RRP12: variants seen among roughly 807,000 people sequenced by gnomAD.
RRP12 encodes the protein RRP12-like protein.
A neutral mutation model predicts 157.3 loss-of-function variants in RRP12; 78 were observed. The observed-to-expected ratio is 0.50, with a 90% CI of 0.41 to 0.60. The LOEUF (loss-of-function observed/expected upper bound fraction) is 0.60. Among genes scored for constraint, RRP12 ranks in the 20% least tolerant of loss-of-function variants. The pLI is 0.00. For synonymous variants in RRP12, 726 were observed against 670.9 expected, an observed-to-expected ratio of 1.08 and a Z score of -1.27; for missense variants, 1,521 against 1,679.9, an observed-to-expected ratio of 0.91 and a Z score of 1.65.
chr10:97,381,424 C>T lies in RRP12; in HGVS notation c.1380G>A (p.Ser460=), dbSNP rs752269038. Residue 460 remains serine (S), a synonymous_variant, in exon 12 of 34, where the codon TCG becomes TCA. Transcript: ENST00000370992. ...CAACAGATTGGGCAGGGCCTGAGGC[C>T]GAGGAGGTCACGGAGCCAATGTCAG... The part of the protein sequence containing the change: ...HMADIGSVTS[S]ASGPAQSVAK... The T allele has an allele frequency of 8.7e-6, 14 of 1,613,316 alleles. No individual in the cohort carries two copies. The highest frequency in any genetic ancestry group is 5.5e-5 in the South Asian group (5 of 90,986).
Position 97,366,924 on chromosome 10 carries a change from G to A in RRP12, c.3048-15C>T. ...CCAGCTCAAATCTGGAGGTGGCAAG[G>A]AAGGGCTGGTGAGAGGCACTGGCCA... On this transcript the variant is annotated splice_polypyrimidine_tract_variant and intron_variant, in intron 26 of 33. Coordinates refer to ENST00000370992, the MANE Select transcript of RRP12 (RefSeq NM_015179.4). The A allele has an allele frequency of 6.2e-7, 1 of 1,611,516 alleles. No individual in the cohort carries two copies. Among genetic ancestry groups the A allele is most frequent in the Non-Finnish European group, 8.5e-7 (1 of 1,178,190 alleles).
chr10:97,387,244 A>C (rs1554881143), intron 8 of RRP12, among the ~76,000 whole-genome samples: 1 of 152,182 alleles, frequency 6.6e-6, no homozygotes, highest in Non-Finnish European at 1.5e-5. Flanking sequence ...GACAAGGAAA[A>C]AAAACTGTAC....
At chr10:97,368,601 G>A (rs967585795) in intron 25 of RRP12, among the ~76,000 whole-genome samples, 107 of 152,220 alleles carry the variant, frequency 7.0e-4, no homozygotes, top group African/African-American at 2.5e-3. Flanking sequence ...CAAGTGATCT[G>A]CCTGCCTTGG....
Position 97,360,561 on chromosome 10 carries a change from G to A in RRP12, c.3625C>T (p.Pro1209Ser), listed in dbSNP as rs370146748. Residue 1209 changes from proline (P) to serine (S), a missense_variant, in exon 31 of 34, where the codon CCC (proline) becomes TCC (serine). By Grantham distance (74) the Pro-to-Ser change is moderately conservative. Transcript: ENST00000370992. ...GAAGCCTCACCTTGGTACTGAGGGG[G>A]TATCTCCAGCTCCTCCTCCTCAGCC... is the stretch of plus-strand genomic sequence containing the variant. The part of the protein sequence containing the change: ...KEAEEEELEI[P>S]PQYQAGGSGI... 3 of 1,613,444 alleles carry A rather than the reference G, an allele frequency of 1.9e-6. No individual in the cohort carries two copies. Among genetic ancestry groups the A allele is most frequent in the African/African-American group, 2.7e-5 (2 of 74,896 alleles).
chr10:97,390,617 G>A (rs1844776593), intron 5 of RRP12, 78 bp from the exon 6 acceptor site: 1 of 1,377,726 alleles, frequency 7.3e-7, no homozygotes, highest in Non-Finnish European at 1.0e-6. Flanking sequence ...ACTGACTCCA[G>A]AAAATCGCAT....
intron 30 of RRP12, among the ~76,000 whole-genome samples, chr10:97,361,767 C>T (rs1843846774): frequency 6.6e-6 from 1 of 152,176 alleles, no homozygotes; most frequent in African/African-American, 2.4e-5. Flanking sequence ...TGAATGGAGG[C>T]AGCTACTTGA....
chr10:97,358,479 C>A, intron 33 of RRP12, 58 bp downstream of exon 33: 1 of 1,305,614 alleles, frequency 7.7e-7, no homozygotes, highest in Non-Finnish European at 1.1e-6. Flanking sequence ...TTAGAGCACT[C>A]TGCTCCCTCA....
At position 97,401,166 on chromosome 10, in the gene RRP12, G is replaced by A. The variant is rs541111525; in HGVS notation, c.66C>T (p.His22=). 1.9e-6 allele frequency: 3 copies of A among 1,614,178 alleles called. No homozygotes were observed. Among genetic ancestry groups the A allele is most frequent in the South Asian group, 2.2e-5 (2 of 91,086 alleles). The part of the protein sequence containing the change: ...SAKLKRWKKG[H]SSDSNPAICR... Reference sequence around the variant, plus strand: ...AGATGGCGGGGTTGCTGTCGCTGCTGTGGCCTTTCTTCCAGCGCTTCAACT... The same window carrying A: ...AGATGGCGGGGTTGCTGTCGCTGCTATGGCCTTTCTTCCAGCGCTTCAACT... Residue 22 remains histidine (H), a synonymous_variant, in exon 1 of 34, where the codon CAC becomes CAT. Coordinates refer to ENST00000370992, the MANE Select transcript of RRP12 (RefSeq NM_015179.4).
intron 23 of RRP12, 38 bp from the exon 24 acceptor site, chr10:97,370,312 C>T: frequency 6.7e-7 from 1 of 1,500,374 alleles, no homozygotes. Flanking sequence ...GCAGGAAGGA[C>T]CCACCAGGTA....
At chr10:97,387,318 C>T (rs1844660661) in intron 8 of RRP12, among the ~76,000 whole-genome samples, 1 of 150,818 alleles carries the variant, frequency 6.6e-6, no homozygotes, top group Non-Finnish European at 1.5e-5. Flanking sequence ...CTTTTTCTTT[C>T]CTTTTTTTTC....
chr10:97,393,048 T>A, intron 4 of RRP12: 1 of 249,308 alleles, frequency 4.0e-6, no homozygotes, highest in South Asian at 4.7e-5. Flanking sequence ...AGCTAATTTT[T>A]ATATTTTTAG....
intron 25 of RRP12, 53 bp from the exon 26 acceptor site, chr10:97,367,185 C>G (rs1844014028): frequency 1.4e-6 from 2 of 1,469,874 alleles, no homozygotes. Flanking sequence ...ATGCTGCGCC[C>G]CCTTTACTGC....
At chr10:97,390,654 AC>A (rs1844777947) in intron 5 of RRP12, 84 bp downstream of exon 5, 2 of 1,361,588 alleles carry the variant, frequency 1.5e-6, no homozygotes, top group Non-Finnish European at 2.1e-6. Context: ...GGGTGCCTAA[AC>A]CCCTCTCAGG....
At chr10:97,376,076 T>C (rs955756209) in intron 15 of RRP12, among the ~76,000 whole-genome samples, 24 of 151,260 alleles carry the variant, frequency 1.6e-4, no homozygotes, top group African/African-American at 5.4e-4. Context: ...GCACTCCAGC[T>C]TGGGCAACAG....
intron 15 of RRP12, 108 bp downstream of exon 15, chr10:97,379,185 G>A (rs997150648): frequency 1.8e-5 from 24 of 1,316,390 alleles, no homozygotes; most frequent in East Asian, 9.6e-5. Flanking sequence ...GTTGCCAAAC[G>A]TCTTGAAGGC....
chr10:97,377,952 A>G (rs1196926127), intron 15 of RRP12, among the ~76,000 whole-genome samples: 1 of 152,202 alleles, frequency 6.6e-6, no homozygotes, highest in African/African-American at 2.4e-5. Context: ...ACAAAATCCA[A>G]TGAAAACGAA....
intron 15 of RRP12, among the ~76,000 whole-genome samples, chr10:97,374,378 T>C (rs1844245259): frequency 6.6e-6 from 1 of 152,038 alleles, no homozygotes; most frequent in Admixed American, 6.5e-5. Context: ...CCCAGACTGG[T>C]CTCGAATTCC....
chr10:97,372,165 A>G lies in RRP12; in HGVS notation c.2251T>C (p.Leu751=), dbSNP rs1354912688. 3 of 1,612,774 alleles carry G rather than the reference A, an allele frequency of 1.9e-6. No homozygotes were observed. The highest frequency in any genetic ancestry group is 2.5e-6 in the Non-Finnish European group (3 of 1,179,412). Residue 751 remains leucine, a splice_region_variant and synonymous_variant, in exon 20 of 34, where the codon TTG becomes CTG. Coordinates refer to ENST00000370992, the MANE Select transcript of RRP12 (RefSeq NM_015179.4). ...LDPASSDFTR[L]SVLDLVVALA... ...GCCACGACCAGGTCCAGGACAGACA[A>G]TCTGCTCGGGGCAGGAGGACAAGGA... is the stretch of plus-strand genomic sequence containing the variant.
Position 97,362,890 on chromosome 10 carries a change from A to G in RRP12, c.3567+964T>C, listed in dbSNP as rs570950726. On this transcript the variant is annotated intron_variant, in intron 30 of 33. Transcript: ENST00000370992. ...ATATGGGCAGACATTGACAAACATG[A>G]CGCCAATGAAAACGGGGATGTGGGG... is the stretch of plus-strand genomic sequence containing the variant. Among the ~76,000 whole-genome samples the G allele has an allele frequency of 2.8e-4, 42 of 152,276 alleles. 1 individual carries two copies. The highest frequency in any genetic ancestry group is 9.4e-4 in the African/African-American group (39 of 41,570).
Sources: gnomAD v4.1 joint callset for allele counts (sites outside exome capture counted in the v4.1 genomes callset) on GRCh38, gnomAD v4.1.1 for gene constraint, MANE v1.5 for transcripts, NCBI Gene and HGNC (gene_info 2026-07-23, HGNC 2026-07-21) for gene names.